The following ARB2A variants were observed in gnomAD, a reference collection of about 807,000 sequenced individuals.
The protein encoded by ARB2A is cotranscriptional regulator ARB2A.
chr5:94,036,467 T>C, the ARB2A span, among the ~76,000 whole-genome samples: 1 of 152,190 alleles, frequency 6.6e-6, no homozygotes, highest in Admixed American at 6.5e-5. Context: ...ATTGGCAATT[T>C]CTCCTTTAAA....
the ARB2A span, among the ~76,000 whole-genome samples, chr5:93,757,893 T>C: frequency 6.6e-6 from 1 of 152,148 alleles, no homozygotes; most frequent in Non-Finnish European, 1.5e-5. Context: ...GTACCACACA[T>C]TTCAATACTA....
the ARB2A span, chr5:93,737,973 A>T: frequency 2.3e-6 from 1 of 431,452 alleles, no homozygotes; most frequent in East Asian, 7.1e-5. Context: ...GATAAGCTGG[A>T]CTTAATAAAA....
the ARB2A span, chr5:93,958,828 A>C: frequency 6.2e-7 from 1 of 1,603,722 alleles, no homozygotes; most frequent in Non-Finnish European, 8.5e-7. Context: ...CCAGATCTTC[A>C]TTTATAATAA....
chr5:93,849,317 T>C, the ARB2A span, among the ~76,000 whole-genome samples: 1 of 152,154 alleles, frequency 6.6e-6, no homozygotes, highest in Non-Finnish European at 1.5e-5. Context: ...AAATTATTCC[T>C]AACATAAAAA....
At chr5:93,893,916 C>T in the ARB2A span, among the ~76,000 whole-genome samples, 8 of 152,268 alleles carry the variant, frequency 5.3e-5, no homozygotes, top group South Asian at 1.7e-3. Flanking sequence ...GTAAAACTTA[C>T]AGACATTACC....
chr5:93,729,016 T>TG, the ARB2A span, among the ~76,000 whole-genome samples: 1 of 152,100 alleles, frequency 6.6e-6, no homozygotes, highest in South Asian at 2.1e-4. Context: ...AACTCTTTAT[T>TG]GCAGTAACAA....
the ARB2A span, chr5:93,736,519 T>C: frequency 2.0e-5 from 3 of 152,122 alleles, no homozygotes; most frequent in East Asian, 5.8e-4. Context: ...GGGTGAGTCA[T>C]TTACTCTTAC....
At chr5:93,926,446 C>T in the ARB2A span, among the ~76,000 whole-genome samples, 3 of 151,972 alleles carry the variant, frequency 2.0e-5, no homozygotes, top group Non-Finnish European at 4.4e-5. Flanking sequence ...ATTTCCAATT[C>T]TTAAGTATAA....
At chr5:93,773,957 A>G in the ARB2A span, among the ~76,000 whole-genome samples, 2 of 152,068 alleles carry the variant, frequency 1.3e-5, no homozygotes, top group African/African-American at 2.4e-5. Context: ...TTTTTTGGAG[A>G]GACAGACAAG....
the ARB2A span, among the ~76,000 whole-genome samples, chr5:93,699,382 G>A: frequency 6.6e-6 from 1 of 152,158 alleles, no homozygotes; most frequent in Non-Finnish European, 1.5e-5. Context: ...GACCTAGAAT[G>A]TGGAAAGACT....
At chr5:93,791,898 C>CA in the ARB2A span, among the ~76,000 whole-genome samples, 4 of 145,776 alleles carry the variant, frequency 2.7e-5, no homozygotes, top group East Asian at 5.9e-4. Flanking sequence ...CCCTCAACAA[C>CA]AAAAAAAGCA....
chr5:93,886,434 A>G, the ARB2A span, among the ~76,000 whole-genome samples: 2 of 151,722 alleles, frequency 1.3e-5, no homozygotes, highest in Non-Finnish European at 3.0e-5. Context: ...TTGGTTTGAA[A>G]GAAGATAGGT....
chr5:93,905,107 G>A, the ARB2A span, among the ~76,000 whole-genome samples: 1 of 151,680 alleles, frequency 6.6e-6, no homozygotes, highest in African/African-American at 2.4e-5. Context: ...TCTATGGGAA[G>A]ACAAATATTG....
At chr5:94,019,826 G>A in the ARB2A span, among the ~76,000 whole-genome samples, 107,881 of 152,074 alleles carry the variant, frequency 0.71, 40,147 homozygotes, top group South Asian at 0.85. Flanking sequence ...TAAAGGACAT[G>A]ACTTCACCCC....
chr5:94,071,600 G>A, the ARB2A span, among the ~76,000 whole-genome samples: 1 of 152,046 alleles, frequency 6.6e-6, no homozygotes, highest in Admixed American at 6.6e-5. Flanking sequence ...TATTTTACCA[G>A]AGACAAGGTA....
the ARB2A span, among the ~76,000 whole-genome samples, chr5:93,838,084 C>T: frequency 6.6e-6 from 1 of 152,032 alleles, no homozygotes; most frequent in Non-Finnish European, 1.5e-5. Flanking sequence ...TTTGCCAGGT[C>T]CTATGTCCAG....
chr5:94,042,961 G>A, the ARB2A span, among the ~76,000 whole-genome samples: 1 of 152,024 alleles, frequency 6.6e-6, no homozygotes, highest in East Asian at 1.9e-4. Context: ...GTATGCCACA[G>A]AGATAACCAA....
At chr5:94,086,394 G>A in the ARB2A span, among the ~76,000 whole-genome samples, 3 of 152,106 alleles carry the variant, frequency 2.0e-5, no homozygotes, top group African/African-American at 7.2e-5. Flanking sequence ...CATCATAGCT[G>A]GCATAACATC....
chr5:93,750,360 T>G, the ARB2A span, among the ~76,000 whole-genome samples: 1 of 152,326 alleles, frequency 6.6e-6, no homozygotes. Flanking sequence ...GAGTGATTAC[T>G]CCTTCATAAG....
Sources: allele counts gnomAD v4.1 joint callset (sites outside exome capture counted in the v4.1 genomes callset), GRCh38; gene constraint gnomAD v4.1.1; transcripts MANE v1.5; gene names NCBI Gene and HGNC (gene_info 2026-07-23, HGNC 2026-07-21).